The following XKR6 variants were observed in gnomAD, a reference collection of about 807,000 sequenced individuals.
The protein encoded by XKR6 is XK related 6.
In XKR6, 22 loss-of-function variants were observed where a neutral mutation model predicts 56.7. The ratio of observed to expected loss-of-function variants is 0.39; its 90% CI spans 0.28 to 0.55. XKR6 has a LOEUF of 0.55. Ranked by LOEUF, XKR6 falls within the 20% of genes least tolerant of loss-of-function variation. The pLI is 0.66. For synonymous variants in XKR6, 524 were observed against 387.8 expected (o/e 1.35, Z -4.13); for missense variants, 852 against 889.0 (o/e 0.96, Z 0.53).
At chr8:10,909,053 C>G (rs572510892) in intron 2 of XKR6, among the ~76,000 whole-genome samples, 49 of 152,146 alleles carry the variant, frequency 3.2e-4, no homozygotes, top group African/African-American at 1.1e-3. Context: ...GTAGTCCCAG[C>G]TACTTGGGAG....
intron 1 of XKR6, among the ~76,000 whole-genome samples, chr8:11,117,176 CT>C (rs1163115174): frequency 1.3e-5 from 2 of 152,112 alleles, no homozygotes; most frequent in Non-Finnish European, 2.9e-5. Flanking sequence ...TAGACTGAAT[CT>C]TTTTTGCAGA....
At chr8:11,122,426 G>T (rs1433329474) in intron 1 of XKR6, among the ~76,000 whole-genome samples, 1 of 152,236 alleles carries the variant, frequency 6.6e-6, no homozygotes, top group East Asian at 1.9e-4. Flanking sequence ...ATGACAGGAG[G>T]CATAATCATG....
At chr8:10,994,342 G>C (rs1381823407) in intron 1 of XKR6, among the ~76,000 whole-genome samples, 2 of 152,226 alleles carry the variant, frequency 1.3e-5, no homozygotes, top group African/African-American at 4.8e-5. Context: ...CCCTCTCCTG[G>C]GGATGGCACT....
intron 1 of XKR6, among the ~76,000 whole-genome samples, chr8:10,997,207 C>A (rs1402225313): frequency 1.3e-5 from 2 of 152,180 alleles, no homozygotes; most frequent in African/African-American, 2.4e-5. Context: ...ACACACAGAG[C>A]ACCAAGTTCA....
At chr8:11,040,138 G>A (rs1484067899) in intron 1 of XKR6, among the ~76,000 whole-genome samples, 1 of 151,864 alleles carries the variant, frequency 6.6e-6, no homozygotes, top group East Asian at 1.9e-4. Context: ...AGGCCGGGGG[G>A]ACCTTCCACT....
intron 1 of XKR6, among the ~76,000 whole-genome samples, chr8:10,999,785 C>G (rs1327876346): frequency 6.6e-6 from 1 of 152,268 alleles, no homozygotes; most frequent in African/African-American, 2.4e-5. Flanking sequence ...TGGGTTGATG[C>G]AGGTGACTCG....
intron 1 of XKR6, among the ~76,000 whole-genome samples, chr8:10,963,371 T>C (rs1279531654): frequency 6.6e-6 from 1 of 152,192 alleles, no homozygotes; most frequent in East Asian, 1.9e-4. Context: ...TCCCCTTATC[T>C]GCTGTACTTT....
chr8:10,897,006 T>G lies in XKR6; in HGVS notation c.*946A>C, dbSNP rs1455142621. ...CTGAGTTTTATTATTACTGACTATG[T>G]GTACAGAAATCTCCTTTAATTTGCT... is the stretch of plus-strand genomic sequence containing the variant. On this transcript the variant is annotated 3_prime_UTR_variant, in exon 3 of 3. Coordinates refer to ENST00000416569, the MANE Select transcript of XKR6 (RefSeq NM_173683.4). 2 of 152,672 alleles carry G rather than the reference T, an allele frequency of 1.3e-5. No individual in the cohort carries two copies. The allele number at this position is 152,672 out of a possible 1,614,324, so 9.5% of individuals were successfully genotyped here. A position where few individuals can be genotyped will look rare whatever the true frequency, so the allele number is the denominator to read the frequency against.
intron 1 of XKR6, among the ~76,000 whole-genome samples, chr8:10,959,900 G>A (rs1802009719): frequency 1.3e-5 from 2 of 152,186 alleles, no homozygotes; most frequent in Non-Finnish European, 2.9e-5. Flanking sequence ...ATGAGTTTCT[G>A]TGACCAGGGC....
intron 1 of XKR6, among the ~76,000 whole-genome samples, chr8:10,953,536 C>T (rs902131000): frequency 3.3e-5 from 5 of 152,292 alleles, no homozygotes; most frequent in African/African-American, 1.2e-4. Context: ...TTCATCATAG[C>T]AATGCAAGAA....
rs1262101959 is a variant in XKR6, at chr8:10,896,339, G to C, written c.*1613C>G. 1.3e-5 allele frequency: 2 copies of C among 152,480 alleles called. No homozygotes were observed. The highest frequency in any genetic ancestry group is 2.9e-5 in the Non-Finnish European group (2 of 68,014). The allele number at this position is 152,480 out of a possible 1,614,324, so 9.4% of individuals were successfully genotyped here. On this transcript the variant is annotated 3_prime_UTR_variant, in exon 3 of 3. Transcript: ENST00000416569. ...ATCAAATCCTCACCCAAATGGCATGGCCTCTAAGGCCTGCAGTCCGCTGCT... is the reference window on the plus strand; with the variant it reads ...ATCAAATCCTCACCCAAATGGCATGCCCTCTAAGGCCTGCAGTCCGCTGCT...
chr8:11,089,261 A>T (rs769690205), intron 1 of XKR6, among the ~76,000 whole-genome samples: 7 of 152,188 alleles, frequency 4.6e-5, no homozygotes, highest in Non-Finnish European at 1.0e-4. Flanking sequence ...GCTAAAAGAA[A>T]ACCTTAGAAA....
At chr8:11,064,537 C>G (rs1799929020) in intron 1 of XKR6, among the ~76,000 whole-genome samples, 1 of 152,220 alleles carries the variant, frequency 6.6e-6, no homozygotes, top group South Asian at 2.1e-4. Context: ...AGAATTGTCA[C>G]TGACTTGTTC....
chr8:10,982,422 C>G (rs1023887150), intron 1 of XKR6, among the ~76,000 whole-genome samples: 9 of 152,336 alleles, frequency 5.9e-5, no homozygotes, highest in Admixed American at 5.9e-4. Context: ...GGTCCCACCT[C>G]TAAAAATGAG....
intron 1 of XKR6, among the ~76,000 whole-genome samples, chr8:11,122,847 G>C (rs1799520831): frequency 6.6e-6 from 1 of 152,098 alleles, no homozygotes. Flanking sequence ...CTGTTTTCCA[G>C]GGGAAAACTA....
At chr8:11,181,613 A>G (rs1345032847) in intron 1 of XKR6, among the ~76,000 whole-genome samples, 1 of 152,220 alleles carries the variant, frequency 6.6e-6, no homozygotes, top group Non-Finnish European at 1.5e-5. Context: ...TATATGTGGA[A>G]AGAGGAATAG....
chr8:10,980,971 G>T (rs1048856007), intron 1 of XKR6, among the ~76,000 whole-genome samples: 2 of 151,802 alleles, frequency 1.3e-5, no homozygotes, highest in African/African-American at 4.8e-5. Flanking sequence ...TCCATAAGCT[G>T]TTTCAGAAAA....
intron 1 of XKR6, among the ~76,000 whole-genome samples, chr8:10,951,520 T>C (rs1458040263): frequency 6.6e-6 from 1 of 152,204 alleles, no homozygotes; most frequent in Non-Finnish European, 1.5e-5. Flanking sequence ...TGGCTACCAG[T>C]CTGTTTCACA....
At chr8:10,996,946 G>T (rs1206044395) in intron 1 of XKR6, among the ~76,000 whole-genome samples, 2 of 152,072 alleles carry the variant, frequency 1.3e-5, no homozygotes, top group Non-Finnish European at 2.9e-5. Flanking sequence ...TCCAGCCTGG[G>T]CAATAGAGAG....
Sources: allele counts gnomAD v4.1 joint callset (sites outside exome capture counted in the v4.1 genomes callset), GRCh38; gene constraint gnomAD v4.1.1; transcripts MANE v1.5; gene names NCBI Gene and HGNC (gene_info 2026-07-23, HGNC 2026-07-21).